The following KCNIP4 variants were observed in gnomAD, a reference collection of about 807,000 sequenced individuals.
KCNIP4 encodes Kv channel-interacting protein 4.
Under a neutral mutation model 34.0 loss-of-function variants are expected in KCNIP4, and 12 were observed. The ratio of observed to expected loss-of-function variants is 0.35; its 90% CI spans 0.23 to 0.57. The LOEUF is 0.57. KCNIP4 is among the 20% of genes least tolerant of loss of function. KCNIP4 has a pLI of 0.83. For synonymous variants in KCNIP4, 124 were observed against 102.2 expected, an observed-to-expected ratio of 1.21 and a Z score of -1.29; for missense variants, 238 against 311.7, an observed-to-expected ratio of 0.76 and a Z score of 1.78.
At chr4:21,762,516 C>T (rs1172711563) in intron 1 of KCNIP4, among the ~76,000 whole-genome samples, 9 of 152,106 alleles carry the variant, frequency 5.9e-5, no homozygotes, top group African/African-American at 2.2e-4. Flanking sequence ...ATCTGGGCTG[C>T]CTTTAACTTA....
At chr4:21,498,117 G>T (rs924999712) in intron 1 of KCNIP4, among the ~76,000 whole-genome samples, 7 of 152,054 alleles carry the variant, frequency 4.6e-5, no homozygotes, top group African/African-American at 1.7e-4. Flanking sequence ...ATTAGAATGA[G>T]ATTTTGCAGA....
At chr4:21,445,331 AAAC>A (rs1222500602) in intron 1 of KCNIP4, among the ~76,000 whole-genome samples, 1 of 152,236 alleles carries the variant, frequency 6.6e-6, no homozygotes, top group Non-Finnish European at 1.5e-5. Context: ...TCGTAAGCCA[AAAC>A]AACAAAGCTG....
At chr4:21,605,409 C>G (rs1743564035) in intron 1 of KCNIP4, among the ~76,000 whole-genome samples, 1 of 152,148 alleles carries the variant, frequency 6.6e-6, no homozygotes, top group Admixed American at 6.5e-5. Flanking sequence ...ATTCTTGTGC[C>G]TTGCTCTGTC....
chr4:20,949,572 G>A lies in KCNIP4; in HGVS notation c.62-66863C>T, dbSNP rs188918012. 2.1e-3 allele frequency among the ~76,000 whole-genome samples: 314 copies of A among 151,796 alleles called. 2 individuals carry two copies. In the East Asian group the frequency reaches 0.022, roughly 11 times the overall value. ...ACACATGCACATGTATGTTTATCGC[G>A]GCACTATTCACAATAGCAAAGACTT... On this transcript the variant is annotated intron_variant, in intron 1 of 8. Transcript: ENST00000382152.
intron 1 of KCNIP4, among the ~76,000 whole-genome samples, chr4:21,828,041 C>T (rs1056736162): frequency 6.8e-6 from 1 of 147,164 alleles, no homozygotes; most frequent in Non-Finnish European, 1.5e-5. Context: ...CCTGTAGAAA[C>T]AAGACCACAA....
rs1553940360 is a variant in KCNIP4, at chr4:21,113,477, A to AAG, written c.62-230769_62-230768insCT. Among the ~76,000 whole-genome samples the AAG allele has an allele frequency of 1.7e-4, 25 of 145,326 alleles. No homozygotes were observed. In the East Asian group the frequency reaches 4.7e-3, roughly 27 times the overall value. ...GTTTAAAAAAAAAAAAAAAAAAAAA[A>AAG]AAAGGAAAGCTATACTCAGTGGGAA... On this transcript the variant is annotated intron_variant, in intron 1 of 8. Coordinates refer to ENST00000382152, the MANE Select transcript of KCNIP4 (RefSeq NM_025221.6).
At chr4:21,017,629 G>A (rs369387589) in intron 1 of KCNIP4, among the ~76,000 whole-genome samples, 53 of 152,110 alleles carry the variant, frequency 3.5e-4, no homozygotes, top group Non-Finnish European at 4.4e-4. Flanking sequence ...CTTTGCTATC[G>A]TCAATAGTGC....
chr4:21,134,405 T>C (rs1444808830), intron 1 of KCNIP4, among the ~76,000 whole-genome samples: 1 of 152,190 alleles, frequency 6.6e-6, no homozygotes, highest in Non-Finnish European at 1.5e-5. Context: ...ACAAAATACA[T>C]GTTGATTTAC....
At chr4:21,032,992 C>G (rs965742408) in intron 1 of KCNIP4, among the ~76,000 whole-genome samples, 2 of 151,992 alleles carry the variant, frequency 1.3e-5, no homozygotes, top group Non-Finnish European at 2.9e-5. Context: ...TCTCCTCTCT[C>G]CTCTTTGAAC....
intron 1 of KCNIP4, among the ~76,000 whole-genome samples, chr4:20,984,277 A>G (rs1032746684): frequency 6.6e-6 from 1 of 152,234 alleles, no homozygotes; most frequent in Non-Finnish European, 1.5e-5. Flanking sequence ...GTCCGTGGCG[A>G]GAAGGGACAC....
At chr4:21,382,450 A>G (rs568342004) in intron 1 of KCNIP4, among the ~76,000 whole-genome samples, 1 of 152,328 alleles carries the variant, frequency 6.6e-6, no homozygotes, top group South Asian at 2.1e-4. Flanking sequence ...AAGAGGACCA[A>G]TAAGTTCAAA....
chr4:21,643,635 A>G (rs555833879), intron 1 of KCNIP4, among the ~76,000 whole-genome samples: 2 of 152,252 alleles, frequency 1.3e-5, no homozygotes, highest in South Asian at 4.1e-4. Flanking sequence ...ATTAACCTCA[A>G]TTGTGTGGAT....
chr4:21,204,611 A>G (rs1186139918), intron 1 of KCNIP4, among the ~76,000 whole-genome samples: 1 of 152,228 alleles, frequency 6.6e-6, no homozygotes, highest in Non-Finnish European at 1.5e-5. Flanking sequence ...AATTTCAAGT[A>G]TTCAAAAATA....
At chr4:20,730,812 A>C (rs1034641897) in intron 8 of KCNIP4, among the ~76,000 whole-genome samples, 1 of 152,192 alleles carries the variant, frequency 6.6e-6, no homozygotes, top group Non-Finnish European at 1.5e-5. Flanking sequence ...AGCACTTGTC[A>C]GTTGCATGTG....
chr4:21,064,462 C>A (rs753503869), intron 1 of KCNIP4, among the ~76,000 whole-genome samples: 10 of 151,760 alleles, frequency 6.6e-5, no homozygotes, highest in African/African-American at 2.4e-4. Flanking sequence ...AGTATGTACA[C>A]TGGATTTTGG....
At chr4:21,755,025 T>C (rs1717409115) in intron 1 of KCNIP4, among the ~76,000 whole-genome samples, 1 of 152,126 alleles carries the variant, frequency 6.6e-6, no homozygotes, top group Non-Finnish European at 1.5e-5. Context: ...TGTGTGCCTG[T>C]AATCCCAGCT....
chr4:20,779,388 T>A (rs1309220934), intron 3 of KCNIP4, among the ~76,000 whole-genome samples: 1 of 152,114 alleles, frequency 6.6e-6, no homozygotes, highest in Non-Finnish European at 1.5e-5. Flanking sequence ...GTAGTGACTC[T>A]CATATCTGGA....
chr4:20,834,634 T>C (rs1187557928), intron 3 of KCNIP4, among the ~76,000 whole-genome samples: 1 of 151,934 alleles, frequency 6.6e-6, no homozygotes, highest in Non-Finnish European at 1.5e-5. Flanking sequence ...TAAATGTACA[T>C]AAAGAGTAGC....
chr4:21,838,110 TAA>T (rs1723460724), intron 1 of KCNIP4, among the ~76,000 whole-genome samples: 1 of 152,188 alleles, frequency 6.6e-6, no homozygotes, highest in East Asian at 1.9e-4. Context: ...CACAAAATAA[TAA>T]GGCCTGCATC....
Sources: allele counts gnomAD v4.1 joint callset (sites outside exome capture counted in the v4.1 genomes callset), GRCh38; gene constraint gnomAD v4.1.1; transcripts MANE v1.5; gene names NCBI Gene and HGNC (gene_info 2026-07-23, HGNC 2026-07-21).